Variants in SLC41A3 observed in about 807,000 individuals in gnomAD.
The protein encoded by SLC41A3 is SLC41A1-like 2.
Under a neutral mutation model 45.4 loss-of-function variants are expected in SLC41A3, and 44 were observed. The observed-to-expected ratio is 0.97, with a 90% confidence interval of 0.76 to 1.25. The LOEUF (loss-of-function observed/expected upper bound fraction) is 1.25, where lower values mean the gene tolerates loss of function less well. Ranked by LOEUF, SLC41A3 falls within the 50% of genes most tolerant of loss-of-function variation. The pLI is 0.00. For missense variants in SLC41A3, 550 were observed against 600.6 expected (o/e 0.92, Z 0.88); for synonymous variants, 256 against 252.4 (o/e 1.01, Z -0.13).
intron 1 of SLC41A3, among the ~76,000 whole-genome samples, chr3:126,092,387 C>T (rs1048621422): frequency 6.6e-6 from 1 of 152,198 alleles, no homozygotes; most frequent in Non-Finnish European, 1.5e-5. Context: ...CCTTCATTTC[C>T]CATAAGGGAT....
intron 1 of SLC41A3, among the ~76,000 whole-genome samples, chr3:126,079,557 C>A (rs997704581): frequency 6.6e-6 from 1 of 152,102 alleles, no homozygotes; most frequent in African/African-American, 2.4e-5. Flanking sequence ...GCAGCCTAGA[C>A]AGCCACCTGA....
Position 126,068,190 on chromosome 3 carries a change from C to A in SLC41A3, c.30G>T (p.Arg10Ser). 2 of 1,564,764 alleles carry A rather than the reference C, an allele frequency of 1.3e-6. No homozygotes were observed. The highest frequency in any genetic ancestry group is 1.7e-6 in the Non-Finnish European group (2 of 1,156,626). Reference protein sequence around the residue: MDGTETRQRRLDSCGKPGEL... With the variant: MDGTETRQRSLDSCGKPGEL... ...CCCCTGGCTTGCCACAGCTGTCCAGCCTCCGCTGCCGGGTCTCTGTCCCAT... is the reference window on the plus strand; with the variant it reads ...CCCCTGGCTTGCCACAGCTGTCCAGACTCCGCTGCCGGGTCTCTGTCCCAT... The change falls in exon 2 of 11, where the codon AGG becomes AGT. Residue 10 changes from arginine to serine, a missense_variant. Transcript: ENST00000360370.
At chr3:126,063,272 T>C (rs778090634) in intron 2 of SLC41A3, among the ~76,000 whole-genome samples, 2 of 152,134 alleles carry the variant, frequency 1.3e-5, no homozygotes, top group Admixed American at 6.5e-5. Context: ...CTCAGTCCTT[T>C]GCCAGACGCC....
intron 1 of SLC41A3, chr3:126,083,830 T>C (rs1279176284): frequency 7.6e-6 from 1 of 131,808 alleles, no homozygotes; most frequent in East Asian, 2.3e-4. Context: ...ACCCCAGGCA[T>C]GGCCCCACCC....
intron 1 of SLC41A3, among the ~76,000 whole-genome samples, chr3:126,091,528 C>T (rs1639780160): frequency 6.6e-6 from 1 of 152,162 alleles, no homozygotes; most frequent in East Asian, 1.9e-4. Flanking sequence ...CTGGAATCAA[C>T]AGAAGGGAGT....
chr3:126,055,307 G>C lies in SLC41A3; in HGVS notation c.274-4257C>G, dbSNP rs375925805. Among the ~76,000 whole-genome samples the C allele has an allele frequency of 1.7e-3, 257 of 152,256 alleles. 1 individual carries two copies. The Middle Eastern group carries it at 0.02, about 12-fold the overall frequency. Reference sequence around the variant, plus strand: ...AGGTGGGTGGATCACGAGGTCAGGAGTTCGAGACCAGCCTGGCCAACATGG... The same window carrying C: ...AGGTGGGTGGATCACGAGGTCAGGACTTCGAGACCAGCCTGGCCAACATGG... On this transcript the variant is annotated intron_variant, in intron 2 of 10. Transcript: ENST00000360370.
intron 3 of SLC41A3, among the ~76,000 whole-genome samples, chr3:126,037,130 T>C (rs1942257514): frequency 6.6e-6 from 1 of 151,994 alleles, no homozygotes; most frequent in South Asian, 2.1e-4. Context: ...TAGTAATGAG[T>C]GAATTCTCAC....
intron 1 of SLC41A3, among the ~76,000 whole-genome samples, chr3:126,075,767 T>C (rs1343041446): frequency 6.6e-6 from 1 of 152,126 alleles, no homozygotes; most frequent in Non-Finnish European, 1.5e-5. Context: ...CTGGGACAAC[T>C]GAATAATCAC....
At chr3:126,007,263 T>G in intron 10 of SLC41A3, 38 bp from the exon 11 acceptor site, 1 of 1,602,342 alleles carries the variant, frequency 6.2e-7, no homozygotes, top group Non-Finnish European at 8.5e-7. Context: ...GAAGACCAAG[T>G]CAGAAAGTCA....
chr3:126,081,570 T>C (rs1945153935), intron 1 of SLC41A3, among the ~76,000 whole-genome samples: 1 of 152,258 alleles, frequency 6.6e-6, no homozygotes, highest in African/African-American at 2.4e-5. Context: ...TCTTTACAAG[T>C]TACATGAACG....
At chr3:126,051,364 T>A (rs559897118) in intron 2 of SLC41A3, among the ~76,000 whole-genome samples, 1 of 152,282 alleles carries the variant, frequency 6.6e-6, no homozygotes, top group East Asian at 1.9e-4. Context: ...AGGTCCCGGA[T>A]GAGAAAGATG....
At chr3:126,056,625 C>G in intron 2 of SLC41A3, 2 of 1,532,458 alleles carry the variant, frequency 1.3e-6, no homozygotes, top group South Asian at 2.6e-5. Flanking sequence ...TCCTCCTGGC[C>G]CACACCAGGA....
At chr3:126,078,452 A>G (rs1944985166) in intron 1 of SLC41A3, among the ~76,000 whole-genome samples, 1 of 152,090 alleles carries the variant, frequency 6.6e-6, no homozygotes, top group African/African-American at 2.4e-5. Flanking sequence ...GAGCTGAGCT[A>G]TCGGCCGGCT....
rs1939375414 is a variant in SLC41A3 at position 126,008,608 on chromosome 3, A to T, written c.1254+124T>A. 3 of 1,338,416 alleles carry T rather than the reference A, an allele frequency of 2.2e-6. No individual in the cohort carries two copies. In the African/African-American group the frequency reaches 4.3e-5, roughly 19 times the overall value. 82.9% of individuals were successfully genotyped at this position (1,338,416 alleles called of 1,614,324 possible). A position where few individuals can be genotyped will look rare whatever the true frequency, so the allele number is the denominator to read the frequency against. On this transcript the variant is annotated intron_variant, in intron 10 of 10. Transcript: ENST00000360370. ...AAGTTGACTCAACTCCTGGAAGATA[A>T]GGACTGTGCCCCACACGTCCAGCCA...
chr3:126,084,031 C>T (rs17523380), intron 1 of SLC41A3, 62 bp downstream of exon 1: 34,314 of 151,602 alleles, frequency 0.23, 4,048 homozygotes, highest in Middle Eastern at 0.33. Flanking sequence ...CCCCGACCCC[C>T]CTTGGGCCCC....
At chr3:126,061,467 C>T (rs918327339) in intron 2 of SLC41A3, among the ~76,000 whole-genome samples, 7 of 152,186 alleles carry the variant, frequency 4.6e-5, no homozygotes, top group Non-Finnish European at 8.8e-5. Context: ...CTTGCTGGAG[C>T]ACACAGCCCT....
At chr3:126,084,222 C>A (rs1424598053), upstream of SLC41A3, 1 of 151,978 alleles carries the variant, frequency 6.6e-6, no homozygotes, top group African/African-American at 2.4e-5. Context: ...GGACCTCGGA[C>A]GACTTGGCGC....
intron 5 of SLC41A3, chr3:126,023,626 C>T (rs1457946168): frequency 6.6e-6 from 1 of 152,300 alleles, no homozygotes; most frequent in Non-Finnish European, 1.5e-5. Context: ...CCATGGTGCA[C>T]TGGGAAGCAC....
chr3:126,070,087 A>C (rs1229088013), intron 1 of SLC41A3: 1 of 152,222 alleles, frequency 6.6e-6, no homozygotes, highest in Non-Finnish European at 1.5e-5. Context: ...ATAAAACATT[A>C]ATTTCCACAT....
Sources: allele counts gnomAD v4.1 joint callset (sites outside exome capture counted in the v4.1 genomes callset), GRCh38; gene constraint gnomAD v4.1.1; transcripts MANE v1.5; gene names NCBI Gene and HGNC (gene_info 2026-07-23, HGNC 2026-07-21).